RTRAF: variants seen among roughly 807,000 people sequenced by gnomAD.
The protein encoded by RTRAF is tRNA-splicing ligase complex subunit RTRAF.
Under a neutral mutation model 34.4 loss-of-function variants are expected in RTRAF, and 14 were observed. That is an observed-to-expected ratio of 0.41 (90% CI 0.27 to 0.64). The LOEUF is 0.64. Ranked by LOEUF, RTRAF falls within the 30% of genes least tolerant of loss-of-function variation. RTRAF has a pLI of 0.34. For synonymous variants in RTRAF, 96 were observed against 95.3 expected, an observed-to-expected ratio of 1.01 and a Z score of -0.04; for missense variants, 291 against 288.4, an observed-to-expected ratio of 1.01 and a Z score of -0.06.
intron 1 of RTRAF, among the ~76,000 whole-genome samples, 152 bp from the exon 2 acceptor site, chr14:51,991,144 TAATCTGTACTTTCAACTCCAG>T (rs1419957976): frequency 4.6e-5 from 7 of 152,312 alleles, no homozygotes; most frequent in East Asian, 1.9e-4. Flanking sequence ...AGATCATTGT[TAATCTGTACTTTCAACTCCAG>T]AATCTGTACT....
chr14:51,992,158 C>A (rs1890444438), intron 2 of RTRAF, among the ~76,000 whole-genome samples: 1 of 152,098 alleles, frequency 6.6e-6, no homozygotes, highest in South Asian at 2.1e-4. Context: ...ATCATTTTCC[C>A]ATTGATTTAG....
At chr14:51,994,681 T>A (rs766000617) in intron 3 of RTRAF, among the ~76,000 whole-genome samples, 122 of 152,310 alleles carry the variant, frequency 8.0e-4, no homozygotes, top group Non-Finnish European at 9.9e-4. Flanking sequence ...TTACTCCTTG[T>A]TTCCAAAGAA....
In RTRAF at chr14:52,006,689, C is replaced by A. The variant is rs769637376; in HGVS notation, c.*2173C>A. 9.3e-6 allele frequency: 15 copies of A among 1,611,120 alleles called. No homozygotes were observed. Among genetic ancestry groups the A allele is most frequent in the Non-Finnish European group, 1.2e-5 (14 of 1,178,004 alleles). ...TTAAAACAAAGGGGGAAAATGAGGT[C>A]CTTCAGCTGCTTTGCCAAAAATGAT... On this transcript the variant is annotated 3_prime_UTR_variant, in exon 8 of 8. Transcript: ENST00000261700.
Position 52,008,768 on chromosome 14 carries a change from T to C in RTRAF, c.*4252T>C, listed in dbSNP as rs1890891754. On this transcript the variant is annotated 3_prime_UTR_variant, in exon 8 of 8. Coordinates refer to ENST00000261700, the MANE Select transcript of RTRAF (RefSeq NM_016039.3). The stretch of plus-strand genomic sequence containing the variant: ...TGGCTTCGATACAAACTATGGAACT[T>C]GAAGAGATGTGGACCAGGGATTTGA... The C allele has an allele frequency of 6.6e-6, 1 of 152,184 alleles. No individual in the cohort carries two copies. The highest frequency in any genetic ancestry group is 6.5e-5 in the Admixed American group (1 of 15,278). The allele number at this position is 152,184 out of a possible 1,614,324, so 9.4% of individuals were successfully genotyped here.
intron 4 of RTRAF, among the ~76,000 whole-genome samples, chr14:51,999,085 C>G (rs978750983): frequency 1.3e-5 from 2 of 151,928 alleles, no homozygotes; most frequent in Non-Finnish European, 2.9e-5. Context: ...TCCAGAGCTG[C>G]TGCTTAGAGA....
At chr14:51,993,650 ACT>A in intron 2 of RTRAF, 71 bp from the exon 3 acceptor site, 1 of 887,966 alleles carries the variant, frequency 1.1e-6, no homozygotes, top group Non-Finnish European at 1.8e-6. Flanking sequence ...GTCTCTTTCA[ACT>A]CTCCCATTCT....
chr14:52,005,595 A>G lies in RTRAF; in HGVS notation c.*1079A>G. The stretch of plus-strand genomic sequence containing the variant: ...TGCATTTTGTGTATAAACTAGGTAG[A>G]TTTAAGGTAGTAAAGACTGGCCCTC... On this transcript the variant is annotated 3_prime_UTR_variant, in exon 8 of 8. Coordinates refer to ENST00000261700, the MANE Select transcript of RTRAF (RefSeq NM_016039.3). The G allele has an allele frequency of 1.3e-6, 2 of 1,491,268 alleles. No individual in the cohort carries two copies. Among genetic ancestry groups the G allele is most frequent in the South Asian group, 2.4e-5 (2 of 84,456 alleles). The allele number at this position is 1,491,268 out of a possible 1,614,324, so 92.4% of individuals were successfully genotyped here. A position where few individuals can be genotyped will look rare whatever the true frequency, so the allele number is the denominator to read the frequency against.
At position 52,004,196 on chromosome 14, in the gene RTRAF, C is replaced by T; in HGVS notation, c.534C>T (p.Gly178=). The change falls in exon 7 of 8, where the codon GGC becomes GGT. Residue 178 remains glycine, a splice_region_variant and synonymous_variant. Coordinates refer to ENST00000261700, the MANE Select transcript of RTRAF (RefSeq NM_016039.3). ...AVAKANQTKE[G]LPVALDKHIL... is the part of the protein sequence containing the mutation. ...ATTTTGTCTTTCTTTTTTTAAAGGG[C>T]TTACCTGTTGCTTTAGACAAACATA... is the stretch of plus-strand genomic sequence containing the variant. 1 of 1,612,044 alleles carries T rather than the reference C, an allele frequency of 6.2e-7. No homozygotes were observed.
chr14:52,001,695 T>C, intron 5 of RTRAF, 103 bp from the exon 6 acceptor site: 1 of 839,094 alleles, frequency 1.2e-6, no homozygotes, highest in Non-Finnish European at 1.9e-6. Context: ...ACTTAGGTAA[T>C]TCTGACTTCA....
chr14:51,995,755 G>T (rs1395312199), intron 3 of RTRAF, among the ~76,000 whole-genome samples: 1 of 151,772 alleles, frequency 6.6e-6, no homozygotes, highest in Non-Finnish European at 1.5e-5. Flanking sequence ...AAGCCTTATG[G>T]CAAAAATCTT....
chr14:52,001,318 A>C (rs1890598961), intron 5 of RTRAF, among the ~76,000 whole-genome samples: 1 of 152,138 alleles, frequency 6.6e-6, no homozygotes, highest in African/African-American at 2.4e-5. Flanking sequence ...GTGTCCTTTG[A>C]AAGGTTTGAA....
intron 1 of RTRAF, among the ~76,000 whole-genome samples, chr14:51,990,867 C>G (rs1197720714): frequency 6.6e-6 from 1 of 152,100 alleles, no homozygotes; most frequent in Non-Finnish European, 1.5e-5. Flanking sequence ...TAACCTTGCC[C>G]TCCTTCCCCT....
Position 52,001,870 on chromosome 14 carries a change from C to A in RTRAF, c.531+4C>A, listed in dbSNP as rs372766786. On this transcript the variant is annotated splice_donor_region_variant and intron_variant, in intron 6 of 7. Transcript: ENST00000261700. ...TAAGGCAAATCAAACAAAAGAGGTA[C>A]GTTTCTATAAATCCTAAATAAGTTG... The A allele has an allele frequency of 6.2e-7, 1 of 1,605,668 alleles. No homozygotes were observed. Among genetic ancestry groups the A allele is most frequent in the African/African-American group, 1.3e-5 (1 of 74,370 alleles).
In RTRAF at chr14:52,004,180, T is replaced by G. The variant is rs770778211; in HGVS notation, c.532-14T>G. ...AACCATAAATACTCTCATTTTGTCT[T>G]TCTTTTTTTAAAGGGCTTACCTGTT... is the stretch of plus-strand genomic sequence containing the variant. On this transcript the variant is annotated splice_polypyrimidine_tract_variant and intron_variant, in intron 6 of 7. Transcript: ENST00000261700. 9 of 1,606,420 alleles carry G rather than the reference T, an allele frequency of 5.6e-6. No homozygotes were observed. The highest frequency in any genetic ancestry group is 1.7e-4 in the Middle Eastern group (1 of 5,836).
At position 52,005,380 on chromosome 14, in the gene RTRAF, C is replaced by T. The variant is rs775870603; in HGVS notation, c.*864C>T. ...AATGTTCATCTTGGATGCTCAGGAA[C>T]GTCTAATGGCCAATTCCTTTTTTAC... On this transcript the variant is annotated 3_prime_UTR_variant, in exon 8 of 8. Coordinates refer to ENST00000261700, the MANE Select transcript of RTRAF (RefSeq NM_016039.3). The T allele has an allele frequency of 3.0e-5, 33 of 1,096,980 alleles. No homozygotes were observed. The highest frequency in any genetic ancestry group is 8.1e-5 in the Admixed American group (3 of 36,904). 68.0% of individuals were successfully genotyped at this position (1,096,980 alleles called of 1,614,324 possible).
chr14:51,999,544 G>C, intron 4 of RTRAF, 164 bp from the exon 5 acceptor site: 4 of 514,154 alleles, frequency 7.8e-6, no homozygotes, highest in Admixed American at 3.3e-5. Flanking sequence ...TTTAATTGTT[G>C]ATAGTCTACA....
At chr14:51,994,788 A>C (rs1397217607) in intron 3 of RTRAF, among the ~76,000 whole-genome samples, 1 of 152,210 alleles carries the variant, frequency 6.6e-6, no homozygotes, top group African/African-American at 2.4e-5. Flanking sequence ...TTAGCATGGT[A>C]GTTAATGATG....
chr14:52,005,303 A>T lies in RTRAF; in HGVS notation c.*787A>T. On this transcript the variant is annotated 3_prime_UTR_variant, in exon 8 of 8. Coordinates refer to ENST00000261700, the MANE Select transcript of RTRAF (RefSeq NM_016039.3). ...TAACAACCTTCATTTTTAAAAATAC[A>T]GTAGTAAAGATTGAGGTATCAGCTT... 2.3e-6 allele frequency: 1 copy of T among 437,372 alleles called. No homozygotes were observed. Among genetic ancestry groups the T allele is most frequent in the East Asian group, 3.5e-5 (1 of 28,930 alleles). 27.1% of individuals were successfully genotyped at this position (437,372 alleles called of 1,614,324 possible).
At position 52,004,406 on chromosome 14, in the gene RTRAF, A is replaced by G. The variant is rs1174763585; in HGVS notation, c.625A>G (p.Ile209Val). Residue 209 changes from isoleucine to valine, a missense_variant, in exon 8 of 8, where the codon ATA (isoleucine) becomes GTA (valine). By Grantham distance (29) the Ile-to-Val change is conservative. Transcript: ENST00000261700. Reference sequence around the variant, plus strand: ...TGCTCAAATTCTGCGATTGCTGCACATAGAGGAGCTCAGAGAGCTACAGAC... The same window carrying G: ...TGCTCAAATTCTGCGATTGCTGCACGTAGAGGAGCTCAGAGAGCTACAGAC... Reference protein sequence around the residue: ...EAAQILRLLHIEELRELQTKI... With the variant: ...EAAQILRLLHVEELRELQTKI... 2 of 1,614,002 alleles carry G rather than the reference A, an allele frequency of 1.2e-6. No homozygotes were observed. The highest frequency in any genetic ancestry group is 1.7e-6 in the Non-Finnish European group (2 of 1,179,914).
Sources: gnomAD v4.1 joint callset for allele counts (sites outside exome capture counted in the v4.1 genomes callset) on GRCh38, gnomAD v4.1.1 for gene constraint, MANE v1.5 for transcripts, NCBI Gene and HGNC (gene_info 2026-07-23, HGNC 2026-07-21) for gene names.